Variants in ERCC1 observed in about 807,000 individuals in gnomAD.
ERCC1 encodes DNA excision repair protein ERCC-1.
In ERCC1, 36 loss-of-function variants were observed where a neutral mutation model predicts 37.6. The ratio of observed to expected loss-of-function variants is 0.96; its 90% confidence interval spans 0.73 to 1.26. ERCC1 has a LOEUF of 1.26. Ranked by LOEUF, ERCC1 falls within the 50% of genes most tolerant of loss-of-function variation. The probability of loss-of-function intolerance (pLI) is 0.00; values close to 1 mark genes in which losing one functional copy is unlikely to be tolerated. For synonymous variants in ERCC1, 156 were observed against 162.1 expected (o/e 0.96, Z 0.28); for missense variants, 349 against 376.5 (o/e 0.93, Z 0.60).
intron 6 of ERCC1, 37 bp downstream of exon 6, chr19:45,416,784 G>C (rs902302846): frequency 6.5e-7 from 1 of 1,548,578 alleles, no homozygotes; most frequent in Non-Finnish European, 8.9e-7. Flanking sequence ...CCAATCCCAG[G>C]TGGAGCCTGA....
chr19:45,425,398 TA>T (rs1300694928), upstream of ERCC1, among the ~76,000 whole-genome samples: 1 of 152,016 alleles, frequency 6.6e-6, no homozygotes, highest in Non-Finnish European at 1.5e-5. Flanking sequence ...ATTTATTTAT[TA>T]TTTTTTGAGA....
intron 1 of ERCC1, among the ~76,000 whole-genome samples, chr19:45,443,014 C>G (rs937800251): frequency 6.6e-6 from 1 of 151,872 alleles, no homozygotes; most frequent in Non-Finnish European, 1.5e-5. Flanking sequence ...AGTCATGCCC[C>G]GCGGGGGGGA....
rs139510122 is a variant in ERCC1 at position 45,439,079 on chromosome 19, G to C, written c.-7-15698C>G. ...CGCATGCCTGTAATCCCAGCTACTC[G>C]GGAGGCTAAGGCAGGAGAATTTCTT... is the stretch of plus-strand genomic sequence containing the variant. On this transcript the variant is annotated intron_variant, in intron 1 of 8. Transcript: ENST00000423698. 8.9e-3 allele frequency among the ~76,000 whole-genome samples: 1,349 copies of C among 152,070 alleles called. 25 individuals carry two copies. Among genetic ancestry groups the C allele is most frequent in the Admixed American group, 0.044 (669 of 15,272 alleles).
intron 9 of ERCC1, chr19:45,413,475 C>T (rs1973860433): frequency 9.5e-7 from 1 of 1,057,188 alleles, no homozygotes; most frequent in East Asian, 2.4e-5. Context: ...AATGAGGTGT[C>T]CACTTGCCCA....
At chr19:45,434,053 A>G (rs1253628375) in intron 1 of ERCC1, among the ~76,000 whole-genome samples, 1 of 150,846 alleles carries the variant, frequency 6.6e-6, no homozygotes, top group Non-Finnish European at 1.5e-5. Context: ...CTGAGGCAGG[A>G]GAATCACTTG....
At chr19:45,438,782 T>C (rs1001005077) in intron 1 of ERCC1, among the ~76,000 whole-genome samples, 4 of 151,938 alleles carry the variant, frequency 2.6e-5, no homozygotes, top group Middle Eastern at 3.4e-3. Context: ...ACTGGGATTA[T>C]AGGCATGCGC....
intron 1 of ERCC1, among the ~76,000 whole-genome samples, chr19:45,432,030 G>A (rs1202654044): frequency 1.3e-5 from 2 of 151,960 alleles, no homozygotes; most frequent in Non-Finnish European, 2.9e-5. Context: ...GGAGTGCAAT[G>A]GCGCAATCTT....
rs190337743 is a variant in ERCC1 at position 45,420,288 on chromosome 19, C to T, written c.425+36G>A. ...TGACCCTCCCAGGCCAGTGGGGTGC[C>T]CTTCCTGAAGTCTGGGGTGGCGCCG... is the stretch of plus-strand genomic sequence containing the variant. On this transcript the variant is annotated intron_variant, in intron 4 of 9. Coordinates refer to ENST00000300853, the MANE Select transcript of ERCC1 (RefSeq NM_001983.4). The surrounding 1 kb of genome is among the most constrained non-coding windows in gnomAD (Gnocchi z 4.8). 5.2e-5 allele frequency: 72 copies of T among 1,383,626 alleles called. No individual in the cohort carries two copies. In the African/African-American group the frequency reaches 9.8e-4, roughly 19 times the overall value. The allele number at this position is 1,383,626 out of a possible 1,614,324, so 85.7% of individuals were successfully genotyped here.
upstream of ERCC1, among the ~76,000 whole-genome samples, chr19:45,427,735 T>A (rs1177648581): frequency 6.6e-6 from 1 of 152,198 alleles, no homozygotes; most frequent in East Asian, 1.9e-4. Flanking sequence ...GGGAATGGAA[T>A]TGCCAGACTT....
At chr19:45,412,394 A>G (rs1599809227) in intron 9 of ERCC1, among the ~76,000 whole-genome samples, 1 of 146,984 alleles carries the variant, frequency 6.8e-6, no homozygotes. Context: ...CCTGGCCTCA[A>G]GTGATCTGCC....
At chr19:45,451,514 G>A (rs117544596) in intron 1 of ERCC1, among the ~76,000 whole-genome samples, 1 of 152,250 alleles carries the variant, frequency 6.6e-6, no homozygotes, top group East Asian at 1.9e-4. Context: ...CAGGCAGCCC[G>A]TGGTCCTTCC....
At chr19:45,425,711 G>A (rs2123553737), upstream of ERCC1, among the ~76,000 whole-genome samples, 1 of 152,268 alleles carries the variant, frequency 6.6e-6, no homozygotes, top group South Asian at 2.1e-4. Context: ...TTGTTTATGA[G>A]TGATGTAACC....
rs939148829 is a variant in ERCC1 at position 45,420,540 on chromosome 19, C to A, written c.322-113G>T. ...CCTCCTCCCACCTCTTCCCACACCT[C>A]CTGCCTCCTCGCACCTCTTCCCACA... is the stretch of plus-strand genomic sequence containing the variant. On this transcript the variant is annotated intron_variant, in intron 3 of 9. Coordinates refer to ENST00000300853, the MANE Select transcript of ERCC1 (RefSeq NM_001983.4). This position sits in a 1 kb window ranked among gnomAD's most constrained non-coding sequence, Gnocchi z 4.8. 2 of 726,328 alleles carry A rather than the reference C, an allele frequency of 2.8e-6. No homozygotes were observed. The highest frequency in any genetic ancestry group is 2.5e-6 in the Non-Finnish European group (1 of 403,540). 45.0% of individuals were successfully genotyped at this position (726,328 alleles called of 1,614,324 possible).
upstream of ERCC1, among the ~76,000 whole-genome samples, chr19:45,424,887 A>G (rs1185184673): frequency 6.7e-6 from 1 of 149,836 alleles, no homozygotes; most frequent in African/African-American, 2.5e-5. Flanking sequence ...GAGCCCTGCC[A>G]TAACCCAGGG....
chr19:45,442,601 T>G (rs1439277510), intron 1 of ERCC1, among the ~76,000 whole-genome samples: 1 of 152,110 alleles, frequency 6.6e-6, no homozygotes, highest in Non-Finnish European at 1.5e-5. Flanking sequence ...GGTGCAAGGA[T>G]GTGTCCTTTT....
Position 45,409,064 on chromosome 19 carries a change from C to T in ERCC1, c.*611G>A. The T allele has an allele frequency of 6.2e-7, 1 of 1,613,716 alleles. No homozygotes were observed. The highest frequency in any genetic ancestry group is 8.5e-7 in the Non-Finnish European group (1 of 1,179,726). Reference sequence around the variant, plus strand: ...GGAGTCCCCAGGGGGGACCATGGCGCCTCAACAGCCAGAAGGAGCGAAGCC... The same window carrying T: ...GGAGTCCCCAGGGGGGACCATGGCGTCTCAACAGCCAGAAGGAGCGAAGCC... On this transcript the variant is annotated 3_prime_UTR_variant, in exon 10 of 10. Transcript: ENST00000300853.
At position 45,408,914 on chromosome 19, in the gene ERCC1, G is replaced by C; in HGVS notation, c.*761C>G. 6.2e-7 allele frequency: 1 copy of C among 1,614,108 alleles called. No homozygotes were observed. Among genetic ancestry groups the C allele is most frequent in the Non-Finnish European group, 8.5e-7 (1 of 1,180,010 alleles). ...TGAGTCTCAGCCACAGGTGAAGGTG[G>C]AGCCACTGGAGGAAGCCATCCCTCT... On this transcript the variant is annotated 3_prime_UTR_variant, in exon 10 of 10. Coordinates refer to ENST00000300853, the MANE Select transcript of ERCC1 (RefSeq NM_001983.4).
intron 1 of ERCC1, among the ~76,000 whole-genome samples, chr19:45,439,744 G>A (rs1260149251): frequency 6.6e-6 from 1 of 152,004 alleles, no homozygotes; most frequent in Non-Finnish European, 1.5e-5. Flanking sequence ...CGGGAGCCCG[G>A]GAGGCGGGTG....
In ERCC1 at chr19:45,407,351, G is replaced by A. The variant is rs73559395; in HGVS notation, c.*2324C>T. On this transcript the variant is annotated 3_prime_UTR_variant, in exon 10 of 10. Coordinates refer to ENST00000300853, the MANE Select transcript of ERCC1 (RefSeq NM_001983.4). ...TCACAGAGCACAGTGAAAGAAACAA[G>A]TTTATTGGAAACTACTCCTTTACAG... 483 of 1,000,126 alleles carry A rather than the reference G, an allele frequency of 4.8e-4. No homozygotes were observed. In the African/African-American group the frequency reaches 7.2e-3, roughly 15 times the overall value. The allele number at this position is 1,000,126 out of a possible 1,614,324, so 62.0% of individuals were successfully genotyped here. A position where few individuals can be genotyped will look rare whatever the true frequency, so the allele number is the denominator to read the frequency against.
Sources: allele counts gnomAD v4.1 joint callset (sites outside exome capture counted in the v4.1 genomes callset), GRCh38; gene constraint gnomAD v4.1.1; non-coding constraint Gnocchi (gnomAD v3.1); transcripts MANE v1.5; gene names NCBI Gene and HGNC (gene_info 2026-07-23, HGNC 2026-07-21).